ETV6: variants seen among roughly 807,000 people sequenced by gnomAD.
The protein encoded by ETV6 is ETS variant transcription factor 6.
ETV6 carries 16 observed loss-of-function variants against 51.1 expected under a neutral mutation model. The observed-to-expected ratio is 0.31, with a 90% CI of 0.21 to 0.48. ETV6 has a LOEUF of 0.48. Among genes scored for constraint, ETV6 ranks in the 20% least tolerant of loss-of-function variants. The pLI is 0.99. For missense variants in ETV6, 458 were observed against 594.8 expected (o/e 0.77, Z 2.39); for synonymous variants, 240 against 224.1 (o/e 1.07, Z -0.64).
At chr12:11,709,360 C>T (rs544379234) in intron 1 of ETV6, among the ~76,000 whole-genome samples, 1 of 152,248 alleles carries the variant, frequency 6.6e-6, no homozygotes, top group East Asian at 1.9e-4. Context: ...CTCCTCTCCT[C>T]TCCTCTCTTC....
intron 1 of ETV6, among the ~76,000 whole-genome samples, chr12:11,699,327 G>C (rs975489028): frequency 1.3e-5 from 2 of 152,170 alleles, no homozygotes; most frequent in Admixed American, 6.5e-5. Context: ...GTAGAATACA[G>C]CTTGCTCATT....
At chr12:11,708,865 A>C (rs1865119677) in intron 1 of ETV6, among the ~76,000 whole-genome samples, 1 of 152,232 alleles carries the variant, frequency 6.6e-6, no homozygotes. Flanking sequence ...GGGAGAGTAG[A>C]AAGATGTGTA....
intron 1 of ETV6, among the ~76,000 whole-genome samples, chr12:11,725,695 C>G (rs1865475092): frequency 6.6e-6 from 1 of 152,162 alleles, no homozygotes; most frequent in African/African-American, 2.4e-5. Flanking sequence ...GAGTAGATTG[C>G]TGCCCTCCCT....
intron 2 of ETV6, among the ~76,000 whole-genome samples, chr12:11,785,582 G>A (rs182377949): frequency 2.2e-4 from 34 of 152,318 alleles, no homozygotes; most frequent in Admixed American, 7.8e-4. Flanking sequence ...ATTAGGGAAT[G>A]AAGCTCTTCC....
At chr12:11,794,462 G>T (rs1375723432) in intron 2 of ETV6, among the ~76,000 whole-genome samples, 1 of 152,154 alleles carries the variant, frequency 6.6e-6, no homozygotes, top group Non-Finnish European at 1.5e-5. Flanking sequence ...CGTACTCAGA[G>T]ATCTTATTCT....
chr12:11,821,301 G>A (rs1218057247), intron 2 of ETV6, among the ~76,000 whole-genome samples: 1 of 152,192 alleles, frequency 6.6e-6, no homozygotes, highest in African/African-American at 2.4e-5. Flanking sequence ...GGGAGGTGGA[G>A]CTTACAGTGA....
chr12:11,704,005 G>T (rs1189355275), intron 1 of ETV6, among the ~76,000 whole-genome samples: 1 of 152,178 alleles, frequency 6.6e-6, no homozygotes, highest in Non-Finnish European at 1.5e-5. Context: ...TAGTGGAGAC[G>T]ATGAATTTTC....
intron 1 of ETV6, among the ~76,000 whole-genome samples, chr12:11,748,896 T>A (rs1276916056): frequency 1.3e-5 from 2 of 152,190 alleles, no homozygotes; most frequent in Non-Finnish European, 2.9e-5. Flanking sequence ...TTATTTTTTT[T>A]AAAGCTTTCT....
intron 5 of ETV6, among the ~76,000 whole-genome samples, chr12:11,873,495 G>C (rs1946917653): frequency 2.3e-5 from 1 of 44,170 alleles, no homozygotes; most frequent in Admixed American, 3.0e-4. Context: ...TGTTAGATGA[G>C]AAAACTTAGT....
Position 11,891,165 on chromosome 12 carries a change from A to G in ETV6, c.*119A>G, listed in dbSNP as rs1947281453. ...GAGTGGAAAAGGAAGCGACCCAGAAATGGCAGGGACACTTCTCTTGCAGAC... is the reference window on the plus strand; with the variant it reads ...GAGTGGAAAAGGAAGCGACCCAGAAGTGGCAGGGACACTTCTCTTGCAGAC... On this transcript the variant is annotated 3_prime_UTR_variant, in exon 8 of 8. Coordinates refer to ENST00000396373, the MANE Select transcript of ETV6 (RefSeq NM_001987.5). 6 of 735,730 alleles carry G rather than the reference A, an allele frequency of 8.2e-6. No individual in the cohort carries two copies. The highest frequency in any genetic ancestry group is 1.4e-5 in the Non-Finnish European group (6 of 432,740). 45.6% of individuals were successfully genotyped at this position (735,730 alleles called of 1,614,324 possible). A position where few individuals can be genotyped will look rare whatever the true frequency, so the allele number is the denominator to read the frequency against.
chr12:11,846,439 A>G (rs796308869), intron 3 of ETV6, among the ~76,000 whole-genome samples: 23 of 152,354 alleles, frequency 1.5e-4, no homozygotes, highest in African/African-American at 5.5e-4. Context: ...AAAAGTTGCA[A>G]AACCCCCTGG....
intron 4 of ETV6, among the ~76,000 whole-genome samples, chr12:11,855,791 TTAG>T (rs1946625499): frequency 6.6e-6 from 1 of 152,152 alleles, no homozygotes; most frequent in Non-Finnish European, 1.5e-5. Context: ...CTTGCTAAAT[TTAG>T]CAGCTGCCCT....
Position 11,680,285 on chromosome 12 carries a change from C to T in ETV6, c.33+30125C>T, listed in dbSNP as rs1864501546. On this transcript the variant is annotated intron_variant, in intron 1 of 7. Coordinates refer to ENST00000396373, the MANE Select transcript of ETV6 (RefSeq NM_001987.5). ...GGGCAGGCAGTATATTTTACATCTG[C>T]TGATAATATGCTAGAACCAAATTGC... is the stretch of plus-strand genomic sequence containing the variant. 2.0e-5 allele frequency among the ~76,000 whole-genome samples: 3 copies of T among 152,176 alleles called. No homozygotes were observed. The South Asian group carries it at 6.2e-4, about 32-fold the overall frequency.
intron 1 of ETV6, among the ~76,000 whole-genome samples, chr12:11,650,481 T>TAAAAAAAAAAAAAAAAAAAAAAAAAAA (rs367594605): frequency 6.9e-5 from 3 of 43,324 alleles, no homozygotes; most frequent in Admixed American, 6.8e-4. Flanking sequence ...TTAGTGCGCT[T>TAAAAAAAAAAAAAAAAAAAAAAAAAAA]AAAAAAAAAA....
chr12:11,766,253 C>T (rs998063187), intron 2 of ETV6, among the ~76,000 whole-genome samples: 1 of 152,186 alleles, frequency 6.6e-6, no homozygotes, highest in African/African-American at 2.4e-5. Context: ...AGGGAAATTT[C>T]CTTTTTGGGG....
chr12:11,893,283 T>C lies in ETV6; in HGVS notation c.*2237T>C, dbSNP rs1947323568. The C allele has an allele frequency of 4.3e-6, 1 of 232,618 alleles. No individual in the cohort carries two copies. The highest frequency in any genetic ancestry group is 2.2e-5 in the African/African-American group (1 of 45,304). 14.4% of individuals were successfully genotyped at this position (232,618 alleles called of 1,614,324 possible). ...GAATATGAAATCAGAGACCAGGGCA[T>C]GATGTTGCTAGGATTAGAGCCTCTC... On this transcript the variant is annotated 3_prime_UTR_variant, in exon 8 of 8. Coordinates refer to ENST00000396373, the MANE Select transcript of ETV6 (RefSeq NM_001987.5).
intron 1 of ETV6, among the ~76,000 whole-genome samples, chr12:11,719,840 G>A (rs900839578): frequency 2.0e-5 from 3 of 152,184 alleles, no homozygotes; most frequent in Middle Eastern, 3.2e-3. Context: ...CCCTCACACT[G>A]GCTCTTTCAG....
At chr12:11,681,040 A>G (rs950825191) in intron 1 of ETV6, among the ~76,000 whole-genome samples, 4 of 152,190 alleles carry the variant, frequency 2.6e-5, no homozygotes, top group African/African-American at 9.7e-5. Flanking sequence ...GGCACAGATG[A>G]AGCCATTTTC....
At chr12:11,880,840 C>G (rs1947079695) in intron 5 of ETV6, among the ~76,000 whole-genome samples, 1 of 152,152 alleles carries the variant, frequency 6.6e-6, no homozygotes, top group Admixed American at 6.5e-5. Flanking sequence ...CCAATGGCGT[C>G]GTCAGCCTAT....
Sources: gnomAD v4.1 joint callset for allele counts (sites outside exome capture counted in the v4.1 genomes callset) on GRCh38, gnomAD v4.1.1 for gene constraint, MANE v1.5 for transcripts, NCBI Gene and HGNC (gene_info 2026-07-23, HGNC 2026-07-21) for gene names.